The following STARD13 variants were observed in gnomAD, a reference collection of about 807,000 sequenced individuals.
STARD13 encodes stAR-related lipid transfer protein 13.
A neutral mutation model predicts 106.4 loss-of-function variants in STARD13; 62 were observed. The observed-to-expected ratio is 0.58, with a 90% CI of 0.48 to 0.72. STARD13 has a LOEUF of 0.72. Ranked by LOEUF, STARD13 falls within the 30% of genes least tolerant of loss-of-function variation. STARD13 has a pLI of 0.00. For missense variants in STARD13, 1,387 were observed against 1,424.0 expected (o/e 0.97, Z 0.42); for synonymous variants, 565 against 553.0 (o/e 1.02, Z -0.31).
At chr13:33,127,244 G>A in intron 6 of STARD13, 129 bp downstream of exon 6, 1 of 1,041,990 alleles carries the variant, frequency 9.6e-7, no homozygotes, top group Non-Finnish European at 1.3e-6. Context: ...CATGCCTTAT[G>A]TCCAGGAGAT....
At chr13:33,662,129 G>C in the STARD13 span, among the ~76,000 whole-genome samples, 3 of 151,882 alleles carry the variant, frequency 2.0e-5, no homozygotes, top group Non-Finnish European at 4.4e-5. Context: ...GGGCGTGGTG[G>C]TGGGCGCCTA....
chr13:33,160,889 T>C (rs766921709), intron 3 of STARD13, among the ~76,000 whole-genome samples: 1 of 152,204 alleles, frequency 6.6e-6, no homozygotes, highest in Non-Finnish European at 1.5e-5. Context: ...AAACTTATCA[T>C]ATAGAGCCCA....
the STARD13 span, among the ~76,000 whole-genome samples, chr13:33,390,659 A>G: frequency 2.0e-5 from 3 of 152,184 alleles, no homozygotes; most frequent in Admixed American, 6.5e-5. Context: ...AAGTATGAAG[A>G]GAGAGTTGTT....
chr13:33,615,244 G>A, the STARD13 span, among the ~76,000 whole-genome samples: 1 of 152,064 alleles, frequency 6.6e-6, no homozygotes, highest in African/African-American at 2.4e-5. Flanking sequence ...GGGACTTGAG[G>A]GTGGGAGTCA....
At chr13:33,233,394 G>A (rs1889022726) in intron 1 of STARD13, among the ~76,000 whole-genome samples, 1 of 152,114 alleles carries the variant, frequency 6.6e-6, no homozygotes, top group Non-Finnish European at 1.5e-5. Flanking sequence ...TGCTTATAAA[G>A]ACCCCAGACT....
At chr13:33,433,898 A>C in the STARD13 span, among the ~76,000 whole-genome samples, 1 of 152,076 alleles carries the variant, frequency 6.6e-6, no homozygotes, top group Non-Finnish European at 1.5e-5. Context: ...TCTTCTATGC[A>C]TTCCTTGTAA....
chr13:33,376,711 T>C, the STARD13 span, among the ~76,000 whole-genome samples: 53 of 151,924 alleles, frequency 3.5e-4, no homozygotes, highest in African/African-American at 1.3e-3. Context: ...AGCTTTGGGA[T>C]TGGGTGAGAT....
chr13:33,108,738 C>G (rs1874114265), intron 12 of STARD13, among the ~76,000 whole-genome samples: 1 of 152,194 alleles, frequency 6.6e-6, no homozygotes, highest in South Asian at 2.1e-4. Flanking sequence ...CCCTCAGCCT[C>G]CTCTGGAGGG....
intron 6 of STARD13, 78 bp from the exon 7 acceptor site, chr13:33,126,318 G>A: frequency 6.9e-7 from 1 of 1,442,334 alleles, no homozygotes; most frequent in South Asian, 1.2e-5. Context: ...AAGCATGAGG[G>A]AAGCCAGGCT....
In STARD13 at chr13:33,185,115, A is replaced by G. The variant is rs73459222; in HGVS notation, c.170-17493T>C. Among the ~76,000 whole-genome samples the G allele has an allele frequency of 1.9e-3, 287 of 152,326 alleles. 1 individual carries two copies. Among genetic ancestry groups the G allele is most frequent in the African/African-American group, 6.5e-3 (271 of 41,590 alleles). On this transcript the variant is annotated intron_variant, in intron 1 of 13. Transcript: ENST00000336934. ...GAGAGATGATCTATTTATTTTCAACAGCAGCCTCCATGTATGCCAGAAAAT... is the reference window on the plus strand; with the variant it reads ...GAGAGATGATCTATTTATTTTCAACGGCAGCCTCCATGTATGCCAGAAAAT...
the STARD13 span, among the ~76,000 whole-genome samples, chr13:33,488,071 TCTGGTCA>T: frequency 6.6e-6 from 1 of 152,220 alleles, no homozygotes; most frequent in Non-Finnish European, 1.5e-5. Context: ...TTTGTGTGTC[TCTGGTCA>T]CTGAGCCTTC....
the STARD13 span, among the ~76,000 whole-genome samples, chr13:33,433,095 C>T: frequency 1.3e-5 from 2 of 152,130 alleles, no homozygotes; most frequent in Non-Finnish European, 2.9e-5. Flanking sequence ...TTATTGACAA[C>T]AAATGGCTTT....
chr13:33,278,209 T>C (rs560989833), intron 1 of STARD13, among the ~76,000 whole-genome samples: 4 of 152,198 alleles, frequency 2.6e-5, no homozygotes, highest in Admixed American at 6.5e-5. Context: ...AAGATTTTCC[T>C]GAGCCTTTCA....
At chr13:33,193,933 G>T (rs2138061725) in intron 1 of STARD13, among the ~76,000 whole-genome samples, 1 of 152,272 alleles carries the variant, frequency 6.6e-6, no homozygotes, top group East Asian at 1.9e-4. Context: ...ATAACTAAGT[G>T]TAATAGGATT....
intron 8 of STARD13, among the ~76,000 whole-genome samples, chr13:33,115,646 A>G (rs1429133346): frequency 6.6e-6 from 1 of 152,166 alleles, no homozygotes; most frequent in African/African-American, 2.4e-5. Flanking sequence ...CCCTAAACCA[A>G]AACTGGTAAC....
chr13:33,269,692 C>T (rs1196197406), intron 1 of STARD13, among the ~76,000 whole-genome samples: 1 of 152,136 alleles, frequency 6.6e-6, no homozygotes, highest in Non-Finnish European at 1.5e-5. Context: ...TTTTATTCTC[C>T]TCCTGCTGAT....
intron 1 of STARD13, among the ~76,000 whole-genome samples, chr13:33,302,984 T>A (rs1429702726): frequency 6.6e-6 from 1 of 152,192 alleles, no homozygotes; most frequent in Non-Finnish European, 1.5e-5. Flanking sequence ...TTTCTTGTTG[T>A]CACCTTAAAA....
the STARD13 span, among the ~76,000 whole-genome samples, chr13:33,663,217 C>T: frequency 6.6e-6 from 1 of 152,062 alleles, no homozygotes; most frequent in Non-Finnish European, 1.5e-5. Context: ...TCCCAAAGAG[C>T]TGGGATTACA....
At chr13:33,442,111 G>T in the STARD13 span, among the ~76,000 whole-genome samples, 1 of 152,172 alleles carries the variant, frequency 6.6e-6, no homozygotes, top group African/African-American at 2.4e-5. Context: ...TGTGTTACTT[G>T]AACATAATAA....
Sources: allele counts gnomAD v4.1 joint callset (sites outside exome capture counted in the v4.1 genomes callset), GRCh38; gene constraint gnomAD v4.1.1; transcripts MANE v1.5; gene names NCBI Gene and HGNC (gene_info 2026-07-23, HGNC 2026-07-21).